SLC8A1: variants seen among roughly 807,000 people sequenced by gnomAD.
SLC8A1 encodes the protein sodium/calcium exchanger 1.
In SLC8A1, 18 loss-of-function variants were observed where a neutral mutation model predicts 68.3. The ratio of observed to expected loss-of-function variants is 0.26; its 90% CI spans 0.18 to 0.39. The LOEUF is 0.39. Ranked by LOEUF, SLC8A1 falls within the 10% of genes least tolerant of loss-of-function variation. The probability of loss-of-function intolerance (pLI) is 1.00; values close to 1 mark genes in which losing one functional copy is unlikely to be tolerated. For synonymous variants in SLC8A1, 475 were observed against 415.5 expected, an observed-to-expected ratio of 1.14 and a Z score of -1.74; for missense variants, 985 against 1,156.7, an observed-to-expected ratio of 0.85 and a Z score of 2.15.
At chr2:40,172,421 C>T (rs909884058) in intron 4 of SLC8A1, among the ~76,000 whole-genome samples, 7 of 151,750 alleles carry the variant, frequency 4.6e-5, no homozygotes, top group African/African-American at 1.7e-4. Flanking sequence ...CAGTTTCAGC[C>T]ATAGGAAGAA....
chr2:40,312,901 A>G (rs1304081349), intron 2 of SLC8A1, among the ~76,000 whole-genome samples: 5 of 152,106 alleles, frequency 3.3e-5, no homozygotes, highest in African/African-American at 7.2e-5. Context: ...CATATAATAA[A>G]CTGAACATAA....
intron 2 of SLC8A1, among the ~76,000 whole-genome samples, chr2:40,308,594 A>T (rs1044115298): frequency 3.3e-5 from 5 of 152,176 alleles, no homozygotes; most frequent in African/African-American, 4.8e-5. Context: ...AATCACCACC[A>T]ATATCATAGT....
chr2:40,195,663 G>C (rs1323937298), intron 2 of SLC8A1: 1 of 152,032 alleles, frequency 6.6e-6, no homozygotes, highest in Non-Finnish European at 1.5e-5. Context: ...ATCTTGTGGG[G>C]AGAAGATAAT....
chr2:40,241,084 G>T (rs1037587886), intron 2 of SLC8A1, among the ~76,000 whole-genome samples: 1 of 152,060 alleles, frequency 6.6e-6, no homozygotes, highest in Admixed American at 6.6e-5. Context: ...AATAGCAAAG[G>T]CATGGAATCA....
chr2:40,169,027 G>A (rs1226059761), intron 4 of SLC8A1, among the ~76,000 whole-genome samples: 1 of 152,222 alleles, frequency 6.6e-6, no homozygotes, highest in Non-Finnish European at 1.5e-5. Flanking sequence ...GATTTTGCAA[G>A]CAATAGCAAA....
chr2:40,170,332 T>C, intron 4 of SLC8A1: 1 of 1,614,106 alleles, frequency 6.2e-7, no homozygotes, highest in Non-Finnish European at 8.5e-7. Flanking sequence ...GCATGAACCT[T>C]CCTGAAGACA....
intron 2 of SLC8A1, among the ~76,000 whole-genome samples, chr2:40,221,697 T>C (rs2058351545): frequency 1.3e-5 from 2 of 152,212 alleles, no homozygotes; most frequent in African/African-American, 4.8e-5. Context: ...AAAATCAATG[T>C]GCAAAAATCA....
Position 40,212,559 on chromosome 2 carries a change from A to G in SLC8A1, c.1809-34704T>C, listed in dbSNP as rs116206849. 8.5e-3 allele frequency among the ~76,000 whole-genome samples: 1,296 copies of G among 152,226 alleles called. 21 individuals carry two copies. The highest frequency in any genetic ancestry group is 0.029 in the African/African-American group (1,215 of 41,550). On this transcript the variant is annotated intron_variant, in intron 2 of 7. Coordinates refer to ENST00000406785, the Ensembl canonical transcript of SLC8A1. ...GGTCCTCCCAAACTCCTGGGATTAC[A>G]GATGTGAGCCACCATGCCTGGCCGA...
intron 2 of SLC8A1, among the ~76,000 whole-genome samples, chr2:40,264,153 C>T (rs1323929342): frequency 5.3e-5 from 8 of 151,632 alleles, no homozygotes; most frequent in African/African-American, 1.7e-4. Flanking sequence ...CAATGAGATA[C>T]CATCTCACAC....
At position 40,151,922 on chromosome 2, in the gene SLC8A1, C is replaced by T. The variant is rs540770570; in HGVS notation, c.2161+8843G>A. On this transcript the variant is annotated intron_variant, in intron 6 of 7. Coordinates refer to ENST00000406785, the Ensembl canonical transcript of SLC8A1. ...CAGATAAGTTAAACTCCAATGAGGG[C>T]AGTTTTAAAAGAGGCTCTGATAAGA... Among the ~76,000 whole-genome samples the T allele has an allele frequency of 2.4e-4, 36 of 152,248 alleles. 1 individual carries two copies. In the South Asian group the frequency reaches 7.1e-3, roughly 30 times the overall value.
intron 2 of SLC8A1, among the ~76,000 whole-genome samples, chr2:40,214,608 AT>A (rs879271088): frequency 8.1e-4 from 116 of 143,138 alleles, no homozygotes; most frequent in Non-Finnish European, 8.0e-4. Flanking sequence ...CACCTGGCTA[AT>A]TTTTTTTTTT....
chr2:40,442,743 C>T (rs1211775427), intron 1 of SLC8A1, among the ~76,000 whole-genome samples: 2 of 152,168 alleles, frequency 1.3e-5, no homozygotes, highest in Non-Finnish European at 2.9e-5. Flanking sequence ...ACCTAGCAAT[C>T]CCATTACTGA....
intron 2 of SLC8A1, among the ~76,000 whole-genome samples, chr2:40,331,941 T>A (rs1216561572): frequency 6.6e-5 from 10 of 152,002 alleles, no homozygotes; most frequent in South Asian, 2.1e-4. Flanking sequence ...TTTCTCTCCA[T>A]GTATTTATTT....
intron 7 of SLC8A1, among the ~76,000 whole-genome samples, chr2:40,127,374 C>T (rs1009880098): frequency 6.6e-6 from 1 of 152,200 alleles, no homozygotes; most frequent in Non-Finnish European, 1.5e-5. Flanking sequence ...AGCGCAGCCT[C>T]AAACCAAGTG....
At position 40,230,989 on chromosome 2, in the gene SLC8A1, C is replaced by A. The variant is rs531064099; in HGVS notation, c.1809-53134G>T. On this transcript the variant is annotated intron_variant, in intron 2 of 7. Coordinates refer to ENST00000406785, the Ensembl canonical transcript of SLC8A1. The stretch of plus-strand genomic sequence containing the variant: ...AAGTGTCCAGACTTTATCATCAAAC[C>A]GAGTGGTAAGTTGGAAATGAAGCCC... Among the ~76,000 whole-genome samples, 151 of 152,240 alleles carry A rather than the reference C, an allele frequency of 9.9e-4. 1 individual carries two copies. Among genetic ancestry groups the A allele is most frequent in the African/African-American group, 2.9e-3 (120 of 41,540 alleles).
At chr2:40,433,466 A>C (rs1698779161) in intron 1 of SLC8A1, among the ~76,000 whole-genome samples, 1 of 152,202 alleles carries the variant, frequency 6.6e-6, no homozygotes, top group Admixed American at 6.5e-5. Flanking sequence ...ATACCATGCT[A>C]AATTGTCTCT....
At chr2:40,308,498 T>C (rs1333697243) in intron 2 of SLC8A1, among the ~76,000 whole-genome samples, 1 of 152,180 alleles carries the variant, frequency 6.6e-6, no homozygotes, top group Non-Finnish European at 1.5e-5. Context: ...CTGGGCCATT[T>C]CTGCTAGGCA....
intron 7 of SLC8A1, among the ~76,000 whole-genome samples, chr2:40,117,392 CAAAAAA>C (rs70957144): frequency 3.7e-4 from 22 of 58,724 alleles, no homozygotes; most frequent in African/African-American, 1.4e-3. Flanking sequence ...ACTAAAAATA[CAAAAAA>C]AAAAAAAAAA....
At chr2:40,156,712 C>T (rs1052251584) in intron 6 of SLC8A1, among the ~76,000 whole-genome samples, 2 of 152,012 alleles carry the variant, frequency 1.3e-5, no homozygotes, top group African/African-American at 4.8e-5. Context: ...AGCTGCGGCT[C>T]CAATATCCAA....
Sources: gnomAD v4.1 joint callset for allele counts (sites outside exome capture counted in the v4.1 genomes callset) on GRCh38, gnomAD v4.1.1 for gene constraint, MANE v1.5 for transcripts, NCBI Gene and HGNC (gene_info 2026-07-23, HGNC 2026-07-21) for gene names.